The following FSTL1 variants were observed in gnomAD, a reference collection of about 807,000 sequenced individuals.
FSTL1 encodes the protein follistatin like 1.
FSTL1 carries 24 observed loss-of-function variants against 45.9 expected under a neutral mutation model. That is an observed-to-expected ratio of 0.52 (90% CI 0.38 to 0.74). The LOEUF is 0.74. Ranked by LOEUF, FSTL1 falls within the 30% of genes least tolerant of loss-of-function variation. The probability of loss-of-function intolerance (pLI) is 0.00; values close to 1 mark genes in which losing one functional copy is unlikely to be tolerated. For missense variants in FSTL1, 340 were observed against 381.8 expected, an observed-to-expected ratio of 0.89 and a Z score of 0.91; for synonymous variants, 120 against 137.6, an observed-to-expected ratio of 0.87 and a Z score of 0.89.
intron 7 of FSTL1, among the ~76,000 whole-genome samples, chr3:120,403,710 A>T (rs1936875710): frequency 6.6e-6 from 1 of 152,170 alleles, no homozygotes. Context: ...AGTCAACCAA[A>T]CTAGGAAAAT....
At chr3:120,430,944 C>A (rs1937466224) in intron 2 of FSTL1, among the ~76,000 whole-genome samples, 1 of 152,204 alleles carries the variant, frequency 6.6e-6, no homozygotes, top group Admixed American at 6.5e-5. Flanking sequence ...ATAGAATACC[C>A]ATCTCATACA....
At chr3:120,450,367 C>A (rs1157079818) in intron 2 of FSTL1, among the ~76,000 whole-genome samples, 1 of 152,138 alleles carries the variant, frequency 6.6e-6, no homozygotes, top group Non-Finnish European at 1.5e-5. Flanking sequence ...GGAACTGAGG[C>A]GCCTTTTTGA....
At position 120,395,906 on chromosome 3, in the gene FSTL1, G is replaced by T. The variant is rs1424030380; in HGVS notation, c.*1046C>A. On this transcript the variant is annotated 3_prime_UTR_variant, in exon 11 of 11. Coordinates refer to ENST00000295633, the MANE Select transcript of FSTL1 (RefSeq NM_007085.5). ...TAAGCCCTGCTTGGCTGCCCTTGTC[G>T]CCATCCTTGGGAATACTGATTTGCC... is the stretch of plus-strand genomic sequence containing the variant. 1 of 328,468 alleles carries T rather than the reference G, an allele frequency of 3.0e-6. No homozygotes were observed. Among genetic ancestry groups the T allele is most frequent in the Non-Finnish European group, 5.9e-6 (1 of 168,732 alleles). The allele number at this position is 328,468 out of a possible 1,614,324, so 20.3% of individuals were successfully genotyped here. A position where few individuals can be genotyped will look rare whatever the true frequency, so the allele number is the denominator to read the frequency against.
In FSTL1 at chr3:120,431,864, T is replaced by C. The variant is rs541130575; in HGVS notation, c.64-15837A>G. Among the ~76,000 whole-genome samples the C allele has an allele frequency of 9.0e-4, 137 of 152,252 alleles. 1 individual carries two copies. The highest frequency in any genetic ancestry group is 3.1e-3 in the African/African-American group (127 of 41,546). On this transcript the variant is annotated intron_variant, in intron 2 of 10. Transcript: ENST00000295633. ...CAGGCTGCATCTGGGACCAGGATACTGAGTAATGAGGACCTAGTCCTTCAA... is the reference window on the plus strand; with the variant it reads ...CAGGCTGCATCTGGGACCAGGATACCGAGTAATGAGGACCTAGTCCTTCAA...
chr3:120,443,750 T>G (rs1041048628), intron 2 of FSTL1, among the ~76,000 whole-genome samples: 1 of 149,834 alleles, frequency 6.7e-6, no homozygotes, highest in Non-Finnish European at 1.5e-5. Context: ...TCAAGGGACA[T>G]ATGGGGGTCA....
intron 7 of FSTL1, 52 bp from the exon 8 acceptor site, chr3:120,403,406 A>G (rs568907330): frequency 2.7e-6 from 3 of 1,109,670 alleles, no homozygotes; most frequent in Non-Finnish European, 4.2e-6. Context: ...CTTCGCTCAG[A>G]AGAAAGGAAG....
At chr3:120,437,024 TTC>T (rs1937574171) in intron 2 of FSTL1, among the ~76,000 whole-genome samples, 2 of 152,164 alleles carry the variant, frequency 1.3e-5, no homozygotes, top group African/African-American at 4.8e-5. Flanking sequence ...GCATCTGTAT[TTC>T]TGTTTCAATA....
intron 2 of FSTL1, among the ~76,000 whole-genome samples, chr3:120,439,991 G>A (rs1054902688): frequency 3.3e-5 from 5 of 152,146 alleles, no homozygotes; most frequent in Admixed American, 2.0e-4. Context: ...GCACATGCCT[G>A]TAGTCCCAGC....
At chr3:120,434,171 G>A (rs1937518100) in intron 2 of FSTL1, among the ~76,000 whole-genome samples, 1 of 152,172 alleles carries the variant, frequency 6.6e-6, no homozygotes, top group Non-Finnish European at 1.5e-5. Flanking sequence ...TGGGGACAGA[G>A]GACAGTCAAT....
chr3:120,404,336 G>A (rs142578772), intron 7 of FSTL1, among the ~76,000 whole-genome samples: 2 of 152,018 alleles, frequency 1.3e-5, no homozygotes, highest in East Asian at 1.9e-4. Flanking sequence ...AATTCTTACC[G>A]ATGTGCTGAA....
At position 120,411,867 on chromosome 3, in the gene FSTL1, A is replaced by G. The variant is rs1021763086; in HGVS notation, c.285T>C (p.Asp95=). The G allele has an allele frequency of 3.7e-6, 6 of 1,614,090 alleles. No individual in the cohort carries two copies. The highest frequency in any genetic ancestry group is 2.2e-5 in the East Asian group (1 of 44,884). Residue 95 remains aspartate, a synonymous_variant, in exon 4 of 11, where the codon GAT becomes GAC. Transcript: ENST00000295633. ...LTGSKIQVDY[D]GHCKEKKSVS... is the part of the protein sequence containing the mutation. The stretch of plus-strand genomic sequence containing the variant: ...AGCACACCTTACCTTTGCAGTGTCC[A>G]TCGTAATCAACCTGGATTTTGGATC...
At chr3:120,400,131 A>G in intron 9 of FSTL1, 172 bp from the exon 10 acceptor site, 1 of 621,110 alleles carries the variant, frequency 1.6e-6, no homozygotes, top group Non-Finnish European at 2.9e-6. Flanking sequence ...TGTAATTGAT[A>G]CCTCCAAGGT....
intron 3 of FSTL1, among the ~76,000 whole-genome samples, chr3:120,415,543 G>A (rs747132652): frequency 1.1e-4 from 17 of 152,100 alleles, no homozygotes; most frequent in Non-Finnish European, 2.4e-4. Flanking sequence ...TAAACCCTAT[G>A]CTTATAGTAA....
intron 2 of FSTL1, among the ~76,000 whole-genome samples, chr3:120,432,114 T>C (rs1013850785): frequency 1.3e-5 from 2 of 152,218 alleles, no homozygotes; most frequent in African/African-American, 2.4e-5. Flanking sequence ...TTTGGGGGCA[T>C]ACAAATCCAT....
intron 2 of FSTL1, among the ~76,000 whole-genome samples, chr3:120,437,624 C>T (rs1487674872): frequency 6.6e-6 from 1 of 150,766 alleles, no homozygotes; most frequent in African/African-American, 2.4e-5. Flanking sequence ...GACACATATC[C>T]ATGCACACAC....
At chr3:120,448,826 C>G (rs1478943550) in intron 2 of FSTL1, among the ~76,000 whole-genome samples, 2 of 152,244 alleles carry the variant, frequency 1.3e-5, no homozygotes, top group East Asian at 3.9e-4. Context: ...GTGTGTCTTG[C>G]AGGCCGCCTA....
intron 9 of FSTL1, among the ~76,000 whole-genome samples, chr3:120,401,416 T>C (rs763299443): frequency 6.6e-6 from 1 of 152,110 alleles, no homozygotes; most frequent in Non-Finnish European, 1.5e-5. Flanking sequence ...ATACCTTAGA[T>C]AGTACTGGGC....
At chr3:120,447,210 A>G (rs1937767837) in intron 2 of FSTL1, among the ~76,000 whole-genome samples, 1 of 152,182 alleles carries the variant, frequency 6.6e-6, no homozygotes, top group Non-Finnish European at 1.5e-5. Flanking sequence ...CATACTATGC[A>G]TCCACCATCA....
intron 9 of FSTL1, among the ~76,000 whole-genome samples, chr3:120,401,585 CT>C (rs11361184): frequency 0.42 from 61,951 of 146,512 alleles, 13,285 homozygotes; most frequent in Non-Finnish European, 0.49. Flanking sequence ...TTAAAATAAA[CT>C]TTTTTTTTTT....
Sources: gnomAD v4.1 joint callset for allele counts (sites outside exome capture counted in the v4.1 genomes callset) on GRCh38, gnomAD v4.1.1 for gene constraint, MANE v1.5 for transcripts, NCBI Gene and HGNC (gene_info 2026-07-23, HGNC 2026-07-21) for gene names.